The following NLGN4X variants were observed in gnomAD, a reference collection of about 807,000 sequenced individuals.
NLGN4X encodes the protein neuroligin-4, X-linked.
In NLGN4X, 3 loss-of-function variants were observed where a neutral mutation model predicts 40.3. That is an observed-to-expected ratio of 0.07 (90% CI 0.03 to 0.19). The LOEUF (loss-of-function observed/expected upper bound fraction) is 0.19, where lower values mean the gene tolerates loss of function less well. Ranked by LOEUF, NLGN4X falls within the 10% of genes least tolerant of loss-of-function variation. NLGN4X has a pLI of 1.00. For missense variants in NLGN4X, 382 were observed against 708.3 expected (o/e 0.54, Z 5.23); for synonymous variants, 270 against 306.8 (o/e 0.88, Z 1.25).
At chrX:6,056,898 T>C (rs751133158) in intron 2 of NLGN4X, among the ~76,000 whole-genome samples, 12 of 112,162 alleles carry the variant, frequency 1.1e-4, no homozygotes, top group African/African-American at 3.6e-4. Flanking sequence ...ATGGATGGCC[T>C]CTGCATCCAA....
chrX:6,017,029 T>C (rs941900895), intron 3 of NLGN4X, among the ~76,000 whole-genome samples: 1 of 111,404 alleles, frequency 9.0e-6, no homozygotes, highest in African/African-American at 3.3e-5. Flanking sequence ...AATTAGATGG[T>C]GTTGCTGGTG....
intron 1 of NLGN4X, among the ~76,000 whole-genome samples, chrX:6,156,950 C>A (rs1029939445): frequency 5.4e-5 from 6 of 110,631 alleles, no homozygotes; most frequent in African/African-American, 2.0e-4. Flanking sequence ...AAAAAATTTA[C>A]CATTTTGAAC....
At chrX:6,049,539 G>A (rs1203943515) in intron 2 of NLGN4X, among the ~76,000 whole-genome samples, 1 of 109,543 alleles carries the variant, frequency 9.1e-6, no homozygotes, top group African/African-American at 3.3e-5. Context: ...GCACTGAAGT[G>A]TCGCCACTTC....
chrX:6,065,529 G>T (rs2037889833), intron 2 of NLGN4X, among the ~76,000 whole-genome samples: 1 of 111,318 alleles, frequency 9.0e-6, no homozygotes, highest in Non-Finnish European at 1.9e-5. Flanking sequence ...TGCATATCAT[G>T]ACTGCTTTTA....
chrX:6,199,920 G>A (rs1923443514), intron 1 of NLGN4X, among the ~76,000 whole-genome samples: 1 of 111,704 alleles, frequency 9.0e-6, no homozygotes, highest in African/African-American at 3.3e-5. Flanking sequence ...TATTCCCTTA[G>A]GTGAGAGAGG....
chrX:6,045,867 A>G (rs1397740996), intron 2 of NLGN4X, among the ~76,000 whole-genome samples: 1 of 111,581 alleles, frequency 9.0e-6, no homozygotes, highest in African/African-American at 3.3e-5. Context: ...GTTTTTATTA[A>G]AAAGTATTGA....
At chrX:6,092,867 T>A (rs1376044382) in intron 2 of NLGN4X, among the ~76,000 whole-genome samples, 5 of 110,865 alleles carry the variant, frequency 4.5e-5, no homozygotes, top group African/African-American at 1.6e-4. Context: ...AGACAGAAAC[T>A]AATAATATAA....
At chrX:6,115,893 C>G (rs1454764546) in intron 2 of NLGN4X, among the ~76,000 whole-genome samples, 1 of 111,334 alleles carries the variant, frequency 9.0e-6, no homozygotes, top group African/African-American at 3.3e-5. Flanking sequence ...AAGACACCAC[C>G]CAATTCTCCA....
At chrX:6,212,584 C>T (rs776297152) in intron 1 of NLGN4X, among the ~76,000 whole-genome samples, 1 of 111,500 alleles carries the variant, frequency 9.0e-6, no homozygotes, top group African/African-American at 3.3e-5. Context: ...GGAGGAAAGC[C>T]CCACTCTTAA....
At chrX:6,070,571 C>T (rs1209848115) in intron 2 of NLGN4X, among the ~76,000 whole-genome samples, 1 of 111,756 alleles carries the variant, frequency 8.9e-6, no homozygotes, top group African/African-American at 3.3e-5. Context: ...TAGTGAGACC[C>T]CATCTCTACA....
intron 2 of NLGN4X, among the ~76,000 whole-genome samples, chrX:6,068,123 A>G (rs954015591): frequency 8.9e-6 from 1 of 111,936 alleles, no homozygotes; most frequent in Admixed American, 9.5e-5. Flanking sequence ...TATGGATTCT[A>G]AAGCCCAAAC....
Position 6,151,454 on chromosome X carries a change from G to C in NLGN4X, c.13C>G (p.Gln5Glu). Residue 5 changes from glutamine (Q) to glutamate (E), a missense_variant, in exon 2 of 6, where the codon CAG becomes GAG. This residue lies in a region of NLGN4X where 115 missense variants were observed against 149.6 expected (regional missense o/e 0.77). Transcript: ENST00000381095. MSRPQGLLWLPLLFT... is the reference protein window; with the variant it reads MSRPEGLLWLPLLFT... The stretch of plus-strand genomic sequence containing the variant: ...AACAAAGGAAGCCATAGCAGTCCCT[G>C]GGGCCGTGACATGGTTCAAATCTGC... 1 of 1,209,352 alleles carries C rather than the reference G, an allele frequency of 8.3e-7. No individual in the cohort carries two copies.
At chrX:5,997,996 C>T (rs2035877884) in intron 3 of NLGN4X, among the ~76,000 whole-genome samples, 2 of 111,778 alleles carry the variant, frequency 1.8e-5, no homozygotes, top group South Asian at 3.7e-4. Flanking sequence ...GATGCACATC[C>T]AAGCTGCCTT....
chrX:5,900,129 G>C (rs1054947884), intron 5 of NLGN4X, among the ~76,000 whole-genome samples: 3 of 112,588 alleles, frequency 2.7e-5, no homozygotes, highest in African/African-American at 9.7e-5. Context: ...CAGGGTATTA[G>C]AGATTGAATA....
chrX:5,924,865 GA>G (rs1306900222), intron 3 of NLGN4X, among the ~76,000 whole-genome samples: 1 of 109,354 alleles, frequency 9.1e-6, no homozygotes, highest in Non-Finnish European at 1.9e-5. Flanking sequence ...GAAAGGGTGG[GA>G]GGGGGTTGGG....
chrX:6,057,462 G>T (rs2037660904), intron 2 of NLGN4X, among the ~76,000 whole-genome samples: 1 of 111,954 alleles, frequency 8.9e-6, no homozygotes, highest in Non-Finnish European at 1.9e-5. Context: ...TCTGTAAGAG[G>T]CTTGAATCAT....
At chrX:6,002,762 C>T (rs2036002375) in intron 3 of NLGN4X, among the ~76,000 whole-genome samples, 1 of 111,615 alleles carries the variant, frequency 9.0e-6, no homozygotes, top group Non-Finnish European at 1.9e-5. Flanking sequence ...CCATGGCCTG[C>T]CCTGCACCAC....
At chrX:6,079,839 A>C (rs1483923018) in intron 2 of NLGN4X, among the ~76,000 whole-genome samples, 1 of 111,790 alleles carries the variant, frequency 8.9e-6, no homozygotes, top group African/African-American at 3.3e-5. Flanking sequence ...CCTAACTTCT[A>C]GGACTCCTTA....
At chrX:6,154,894 C>T (rs2040232255) in intron 1 of NLGN4X, among the ~76,000 whole-genome samples, 1 of 111,837 alleles carries the variant, frequency 8.9e-6, no homozygotes, top group South Asian at 3.7e-4. Flanking sequence ...GGCTCACACT[C>T]TTCAGGCCTA....
Sources: allele counts gnomAD v4.1 joint callset (sites outside exome capture counted in the v4.1 genomes callset), GRCh38; gene constraint gnomAD v4.1.1; regional missense constraint gnomAD v4.1.1; transcripts MANE v1.5; gene names NCBI Gene and HGNC (gene_info 2026-07-23, HGNC 2026-07-21).